Variants in ANKIB1 observed in about 807,000 individuals in gnomAD.
The protein encoded by ANKIB1 is ankyrin repeat and IBR domain containing 1.
A neutral mutation model predicts 122.1 loss-of-function variants in ANKIB1; 43 were observed. That is an observed-to-expected ratio of 0.35 (90% CI 0.28 to 0.45). ANKIB1 has a LOEUF of 0.45. ANKIB1 is among the 20% of genes least tolerant of loss of function. The pLI is 1.00. For missense variants in ANKIB1, 992 were observed against 1,329.5 expected (o/e 0.75, Z 3.95); for synonymous variants, 390 against 442.0 (o/e 0.88, Z 1.48).
intron 5 of ANKIB1, among the ~76,000 whole-genome samples, chr7:92,336,890 T>C (rs192053939): frequency 2.0e-4 from 31 of 152,296 alleles, no homozygotes; most frequent in Admixed American, 1.3e-3. Flanking sequence ...TGTCCAATAT[T>C]TGTAGCTGTT....
chr7:92,352,335 C>A, intron 8 of ANKIB1, 141 bp from the exon 9 acceptor site: 1 of 857,320 alleles, frequency 1.2e-6, no homozygotes, highest in Non-Finnish European at 1.7e-6. Flanking sequence ...ATTTAAATTT[C>A]TTGAGACTGA....
chr7:92,283,749 T>G (rs1261361631), intron 1 of ANKIB1, among the ~76,000 whole-genome samples: 1 of 152,178 alleles, frequency 6.6e-6, no homozygotes, highest in Non-Finnish European at 1.5e-5. Context: ...GTGGCCTAAG[T>G]GTACAGTGTT....
intron 5 of ANKIB1, among the ~76,000 whole-genome samples, chr7:92,333,788 G>A (rs1453067582): frequency 6.6e-6 from 1 of 152,060 alleles, no homozygotes; most frequent in Non-Finnish European, 1.5e-5. Context: ...GAAAAATATG[G>A]TAGAAAAGAC....
chr7:92,301,257 C>T (rs188722624), intron 2 of ANKIB1, among the ~76,000 whole-genome samples: 302 of 152,200 alleles, frequency 2.0e-3, no homozygotes, highest in African/African-American at 6.8e-3. Context: ...TAATGTTTTA[C>T]TCAACTTCTG....
intron 1 of ANKIB1, 116 bp downstream of exon 1, chr7:92,246,635 G>A: frequency 4.4e-6 from 2 of 453,906 alleles, no homozygotes; most frequent in Admixed American, 2.4e-5. Context: ...TGTGTCTGTC[G>A]CCTGTTTTGG....
intron 4 of ANKIB1, 177 bp downstream of exon 4, chr7:92,319,689 C>A (rs748991939): frequency 4.4e-5 from 28 of 629,754 alleles, no homozygotes; most frequent in Non-Finnish European, 6.9e-5. Context: ...CACAGTGGCT[C>A]ATGCCTGTAG....
intron 11 of ANKIB1, among the ~76,000 whole-genome samples, chr7:92,375,859 C>T (rs1804367850): frequency 6.6e-6 from 1 of 152,318 alleles, no homozygotes; most frequent in Admixed American, 6.5e-5. Context: ...AATAATAAGA[C>T]TTGAAAGTCA....
intron 4 of ANKIB1, among the ~76,000 whole-genome samples, chr7:92,320,756 A>G (rs774070412): frequency 5.3e-5 from 8 of 152,012 alleles, no homozygotes; most frequent in South Asian, 2.1e-4. Flanking sequence ...TCTTCCTTCT[A>G]TTCTTGTATC....
chr7:92,361,260 G>T (rs995045466), intron 9 of ANKIB1, among the ~76,000 whole-genome samples: 3 of 152,116 alleles, frequency 2.0e-5, no homozygotes, highest in African/African-American at 7.2e-5. Context: ...ATAAAATAGA[G>T]TTACAAATGG....
At chr7:92,390,303 A>C (rs1804759225) in intron 15 of ANKIB1, among the ~76,000 whole-genome samples, 187 bp downstream of exon 15, 1 of 152,138 alleles carries the variant, frequency 6.6e-6, no homozygotes, top group East Asian at 1.9e-4. Flanking sequence ...TTTTTGTTTA[A>C]ATTTGTCACT....
chr7:92,341,681 A>G (rs930281653), intron 5 of ANKIB1, among the ~76,000 whole-genome samples: 1 of 152,236 alleles, frequency 6.6e-6, no homozygotes, highest in African/African-American at 2.4e-5. Flanking sequence ...TATTCTACCT[A>G]TGTAAAATAA....
At chr7:92,296,133 C>A (rs994995420) in intron 2 of ANKIB1, among the ~76,000 whole-genome samples, 4 of 151,968 alleles carry the variant, frequency 2.6e-5, no homozygotes, top group African/African-American at 7.3e-5. Context: ...CAAAACATGC[C>A]GTGAGGTTTC....
rs574305036 is a variant in ANKIB1, at chr7:92,328,824, A to G, written c.787+924A>G. ...TAATCTTTTGATCAGAAGAAAATGTAAAACTCCCTATTTTATCATTCATTG... is the reference window on the plus strand; with the variant it reads ...TAATCTTTTGATCAGAAGAAAATGTGAAACTCCCTATTTTATCATTCATTG... On this transcript the variant is annotated intron_variant, in intron 5 of 19. Coordinates refer to ENST00000265742, the MANE Select transcript of ANKIB1 (RefSeq NM_019004.2). Among the ~76,000 whole-genome samples the G allele has an allele frequency of 2.2e-4, 34 of 151,368 alleles. No individual in the cohort carries two copies. In the East Asian group the frequency reaches 5.0e-3, roughly 22 times the overall value.
rs778708860 is a variant in ANKIB1 at position 92,246,492 on chromosome 7, A to G, written c.-118A>G. The G allele has an allele frequency of 3.7e-5, 19 of 518,306 alleles. No homozygotes were observed. In the Admixed American group the frequency reaches 3.7e-4, roughly 10 times the overall value. The allele number at this position is 518,306 out of a possible 1,614,324, so 32.1% of individuals were successfully genotyped here. A position where few individuals can be genotyped will look rare whatever the true frequency, so the allele number is the denominator to read the frequency against. ...AACTGCGGAGTTGCTGGGTCCACCGACCCTTACCCTCAGCGAGAGAAGTAA... is the reference window on the plus strand; with the variant it reads ...AACTGCGGAGTTGCTGGGTCCACCGGCCCTTACCCTCAGCGAGAGAAGTAA... On this transcript the variant is annotated 5_prime_UTR_variant, in exon 1 of 20. Transcript: ENST00000265742.
intron 3 of ANKIB1, among the ~76,000 whole-genome samples, chr7:92,309,942 A>AAAAAAAAAATATATATATATATAT (rs1335765681): frequency 1.1e-5 from 1 of 91,786 alleles, no homozygotes; most frequent in African/African-American, 4.8e-5. Flanking sequence ...AAAAAAAAAA[A>AAAAAAAAAATATATATATATATAT]ATATATATAT....
chr7:92,370,027 T>G (rs779886756), intron 10 of ANKIB1, among the ~76,000 whole-genome samples: 4 of 152,128 alleles, frequency 2.6e-5, no homozygotes, highest in Non-Finnish European at 4.4e-5. Flanking sequence ...TAAGTTTGAT[T>G]AGGGATGGAG....
chr7:92,257,212 AAAAG>A (rs1801466759), intron 1 of ANKIB1, among the ~76,000 whole-genome samples: 1 of 151,874 alleles, frequency 6.6e-6, no homozygotes, highest in Non-Finnish European at 1.5e-5. Flanking sequence ...AAGAGAGAAA[AAAAG>A]AAAAAAAAGA....
intron 5 of ANKIB1, among the ~76,000 whole-genome samples, chr7:92,338,644 G>A: frequency 6.6e-6 from 1 of 151,556 alleles, no homozygotes; most frequent in East Asian, 1.9e-4. Context: ...GGGTGTGGTG[G>A]CTCATGCCTG....
chr7:92,309,818 G>A (rs112394025), intron 3 of ANKIB1, among the ~76,000 whole-genome samples: 13,594 of 149,424 alleles, frequency 0.091, 811 homozygotes, highest in East Asian at 0.35. Context: ...CCAGCTGCTT[G>A]GGAGGCTGAG....
Sources: gnomAD v4.1 joint callset for allele counts (sites outside exome capture counted in the v4.1 genomes callset) on GRCh38, gnomAD v4.1.1 for gene constraint, MANE v1.5 for transcripts, NCBI Gene and HGNC (gene_info 2026-07-23, HGNC 2026-07-21) for gene names.